Variants in NALCN observed in about 807,000 individuals in gnomAD.
NALCN encodes the protein sodium leak channel, non-selective, also known as sodium leak channel NALCN.
Under a neutral mutation model 225.3 loss-of-function variants are expected in NALCN, and 111 were observed. The ratio of observed to expected loss-of-function variants is 0.49; its 90% CI spans 0.42 to 0.58. The LOEUF (loss-of-function observed/expected upper bound fraction) is 0.58. Among genes scored for constraint, NALCN ranks in the 20% least tolerant of loss-of-function variants. The pLI is 0.00. For synonymous variants in NALCN, 764 were observed against 769.0 expected (o/e 0.99, Z 0.11); for missense variants, 1,378 against 2,202.4 (o/e 0.63, Z 7.49).
intron 15 of NALCN, among the ~76,000 whole-genome samples, chr13:101,157,478 C>T (rs2037961291): frequency 6.6e-6 from 1 of 152,090 alleles, no homozygotes; most frequent in Non-Finnish European, 1.5e-5. Flanking sequence ...CCTGGGGATG[C>T]CCTACCTCTC....
rs1404140498 is a variant in NALCN at position 101,055,290 on chromosome 13, T to A, written c.*5A>T. The A allele has an allele frequency of 6.2e-7, 1 of 1,608,986 alleles. No homozygotes were observed. Among genetic ancestry groups the A allele is most frequent in the Admixed American group, 1.7e-5 (1 of 59,534 alleles). On this transcript the variant is annotated 3_prime_UTR_variant, in exon 44 of 44. Coordinates refer to ENST00000251127, the MANE Select transcript of NALCN (RefSeq NM_052867.4). ...CACTAGAAATTCATCTACATTGACA[T>A]CCACCTAAATATCCAGAAGGTCATC... is the stretch of plus-strand genomic sequence containing the variant.
chr13:101,168,339 C>T (rs2038552636), intron 15 of NALCN, among the ~76,000 whole-genome samples: 1 of 152,134 alleles, frequency 6.6e-6, no homozygotes, highest in African/African-American at 2.4e-5. Context: ...AACTTTGTAT[C>T]TCTCCATAGA....
chr13:101,105,746 T>C (rs975496683), intron 22 of NALCN, among the ~76,000 whole-genome samples: 8 of 152,158 alleles, frequency 5.3e-5, no homozygotes, highest in African/African-American at 1.9e-4. Context: ...TTGCTTTAAA[T>C]TGTGAAAGTC....
chr13:101,206,619 ATTTG>A (rs2040322202), intron 13 of NALCN, among the ~76,000 whole-genome samples: 1 of 151,650 alleles, frequency 6.6e-6, no homozygotes. Context: ...TTTTATATCT[ATTTG>A]TTTATCAGTC....
chr13:101,201,874 T>G (rs945061191), intron 13 of NALCN, among the ~76,000 whole-genome samples: 11 of 152,190 alleles, frequency 7.2e-5, no homozygotes, highest in Admixed American at 1.3e-4. Flanking sequence ...AAAATCTACT[T>G]GATGATTTAT....
chr13:101,410,572 G>C (rs563131542), intron 1 of NALCN, among the ~76,000 whole-genome samples: 1 of 152,268 alleles, frequency 6.6e-6, no homozygotes, highest in Admixed American at 6.5e-5. Context: ...GGATAACTAA[G>C]ATATTTGAGT....
At chr13:101,178,389 CCTTTT>C (rs1380503840) in intron 14 of NALCN, among the ~76,000 whole-genome samples, 1 of 152,146 alleles carries the variant, frequency 6.6e-6, no homozygotes, top group Non-Finnish European at 1.5e-5. Context: ...TGTTCGCCTC[CCTTTT>C]CTTAGAGCAT....
In NALCN at chr13:101,124,592, C is replaced by T. The variant is rs749630952; in HGVS notation, c.2192+16G>A. 1.9e-6 allele frequency: 3 copies of T among 1,604,276 alleles called. No homozygotes were observed. Among genetic ancestry groups the T allele is most frequent in the Non-Finnish European group, 2.6e-6 (3 of 1,173,570 alleles). ...CCACTTGTGTTTAAATATGTGTCAACATTAATTGGTGTTACCTTAAGATTT... is the reference window on the plus strand; with the variant it reads ...CCACTTGTGTTTAAATATGTGTCAATATTAATTGGTGTTACCTTAAGATTT... On this transcript the variant is annotated intron_variant, in intron 18 of 43. Coordinates refer to ENST00000251127, the MANE Select transcript of NALCN (RefSeq NM_052867.4).
In NALCN at chr13:101,221,438, C is replaced by G. The variant is rs200121548; in HGVS notation, c.1626+7955G>C. On this transcript the variant is annotated intron_variant, in intron 13 of 43. Coordinates refer to ENST00000251127, the MANE Select transcript of NALCN (RefSeq NM_052867.4). ...GCCAAAGACACCTTTTTTACTATCC[C>G]TCTACATCCCTCCTCTCAAAACCTT... Among the ~76,000 whole-genome samples, 24 of 152,158 alleles carry G rather than the reference C, an allele frequency of 1.6e-4. No homozygotes were observed. In the East Asian group the frequency reaches 1.7e-3, roughly 11 times the overall value.
At chr13:101,137,538 C>T (rs572673738) in intron 17 of NALCN, among the ~76,000 whole-genome samples, 18 of 152,030 alleles carry the variant, frequency 1.2e-4, no homozygotes, top group Admixed American at 3.9e-4. Context: ...ATAAAAAAAA[C>T]GGAAGAGTAA....
intron 20 of NALCN, among the ~76,000 whole-genome samples, chr13:101,108,337 T>C (rs1283761559): frequency 6.6e-6 from 1 of 152,142 alleles, no homozygotes; most frequent in East Asian, 1.9e-4. Flanking sequence ...TATTCTAGTG[T>C]GCAGGATATG....
Position 101,073,570 on chromosome 13 carries a change from T to G in NALCN, c.4197+14A>C, listed in dbSNP as rs1183762288. On this transcript the variant is annotated intron_variant, in intron 37 of 43. Coordinates refer to ENST00000251127, the MANE Select transcript of NALCN (RefSeq NM_052867.4). ...TTCTAAGTCTAAGCCTTGTTCATGA[T>G]GAGAGATATTTACCATACAGTCATG... The G allele has an allele frequency of 1.2e-6, 2 of 1,600,256 alleles. No individual in the cohort carries two copies. Among genetic ancestry groups the G allele is most frequent in the East Asian group, 2.2e-5 (1 of 44,764 alleles).
chr13:101,404,115 T>C (rs1236396112), intron 1 of NALCN, among the ~76,000 whole-genome samples: 1 of 152,228 alleles, frequency 6.6e-6, no homozygotes, highest in African/African-American at 2.4e-5. Context: ...GCAGAGTAGC[T>C]GATTAATTAA....
chr13:101,261,042 AT>A (rs1162036552), intron 10 of NALCN, among the ~76,000 whole-genome samples: 1 of 152,070 alleles, frequency 6.6e-6, no homozygotes, highest in East Asian at 1.9e-4. Flanking sequence ...TTTTGATGTG[AT>A]TTTTGTACCT....
intron 1 of NALCN, among the ~76,000 whole-genome samples, chr13:101,414,764 C>A (rs771641966): frequency 1.3e-4 from 20 of 152,178 alleles, no homozygotes; most frequent in Non-Finnish European, 1.2e-4. Flanking sequence ...ATAAGACATG[C>A]TTTCTCCTAG....
At position 101,055,433 on chromosome 13, in the gene NALCN, C is replaced by G; in HGVS notation, c.5079G>C (p.Arg1693Ser). 6.2e-7 allele frequency: 1 copy of G among 1,614,112 alleles called. No individual in the cohort carries two copies. Residue 1693 changes from arginine (R) to serine (S), a missense_variant, in exon 44 of 44, where the codon AGG becomes AGC. Transcript: ENST00000251127. Reference sequence around the variant, plus strand: ...TGCACACGACAGATTTCATGGTTGTCCTTCCTCCAAACCGTAAGTTGACTG... The same window carrying G: ...TGCACACGACAGATTTCATGGTTGTGCTTCCTCCAAACCGTAAGTTGACTG... Reference protein sequence around the residue: ...VSSVNLRFGGRTTMKSVVCKM... With the variant: ...VSSVNLRFGGSTTMKSVVCKM...
In NALCN at chr13:101,065,581, A is replaced by T. The variant is rs561583858; in HGVS notation, c.4447-20T>A. On this transcript the variant is annotated intron_variant, in intron 39 of 43. Transcript: ENST00000251127. ...CACCCCCTGCGGGGCAGAGCACAAG[A>T]AGTAGCAAATCATCAGGCCTCGATG... is the stretch of plus-strand genomic sequence containing the variant. 6.2e-7 allele frequency: 1 copy of T among 1,611,182 alleles called. No individual in the cohort carries two copies. The highest frequency in any genetic ancestry group is 2.2e-5 in the East Asian group (1 of 44,860).
chr13:101,213,788 G>A (rs1566440023), intron 13 of NALCN, among the ~76,000 whole-genome samples: 1 of 152,172 alleles, frequency 6.6e-6, no homozygotes, highest in Non-Finnish European at 1.5e-5. Context: ...AAAAAGTCAG[G>A]AAACAACAGG....
chr13:101,172,803 G>C (rs1290198171), intron 15 of NALCN, among the ~76,000 whole-genome samples: 1 of 151,978 alleles, frequency 6.6e-6, no homozygotes, highest in Non-Finnish European at 1.5e-5. Context: ...TCCTGACCTC[G>C]TGATCCGCCC....
Sources: allele counts gnomAD v4.1 joint callset (sites outside exome capture counted in the v4.1 genomes callset), GRCh38; gene constraint gnomAD v4.1.1; transcripts MANE v1.5; gene names NCBI Gene and HGNC (gene_info 2026-07-23, HGNC 2026-07-21).